Variants in HERC4 observed in about 807,000 individuals in gnomAD.
The protein encoded by HERC4 is HECT and RLD domain containing E3 ubiquitin protein ligase 4.
A neutral mutation model predicts 124.3 loss-of-function variants in HERC4; 28 were observed. That is an observed-to-expected ratio of 0.23 (90% CI 0.17 to 0.31). The LOEUF is 0.31. HERC4 is among the 10% of genes least tolerant of loss of function. HERC4 has a pLI of 1.00. For missense variants in HERC4, 713 were observed against 1,229.3 expected, an observed-to-expected ratio of 0.58 and a Z score of 6.28; for synonymous variants, 407 against 421.5, an observed-to-expected ratio of 0.97 and a Z score of 0.42.
chr10:68,001,316 G>A (rs889444817), intron 9 of HERC4, among the ~76,000 whole-genome samples: 19 of 151,586 alleles, frequency 1.3e-4, no homozygotes, highest in African/African-American at 4.6e-4. Flanking sequence ...AGGTTGCAGT[G>A]AGCTGTGATC....
At chr10:68,059,530 T>G (rs1200605269) in intron 3 of HERC4, among the ~76,000 whole-genome samples, 2 of 110,840 alleles carry the variant, frequency 1.8e-5, no homozygotes, top group East Asian at 2.6e-4. Context: ...ATAATAATAT[T>G]ATATATCATA....
intron 4 of HERC4, chr10:68,039,515 A>G (rs1314853747): frequency 3.2e-6 from 5 of 1,549,894 alleles, no homozygotes; most frequent in Non-Finnish European, 4.4e-6. Context: ...TTTGAGCAGG[A>G]AAAAGGAGAG....
At chr10:67,982,972 C>CA (rs2132658447) in intron 15 of HERC4, among the ~76,000 whole-genome samples, 1 of 148,434 alleles carries the variant, frequency 6.7e-6, no homozygotes, top group South Asian at 2.1e-4. Context: ...TAATAAAATA[C>CA]AAAAAATTAG....
Position 68,053,775 on chromosome 10 carries a change from T to G in HERC4, c.227-9212A>C, listed in dbSNP as rs553339430. On this transcript the variant is annotated intron_variant, in intron 3 of 24. Transcript: ENST00000373700. The stretch of plus-strand genomic sequence containing the variant: ...CTGACTCAAGTATTTGGCAGTTCTG[T>G]GAATGCCCATGTCCAGGAATGACCA... Among the ~76,000 whole-genome samples, 7 of 152,298 alleles carry G rather than the reference T, an allele frequency of 4.6e-5. No homozygotes were observed. The East Asian group carries it at 5.8e-4, about 13-fold the overall frequency.
chr10:68,001,071 T>G (rs933211664), intron 9 of HERC4, among the ~76,000 whole-genome samples: 1 of 152,182 alleles, frequency 6.6e-6, no homozygotes, highest in African/African-American at 2.4e-5. Flanking sequence ...TTCTGGCTGT[T>G]AAGAATGTCC....
At chr10:67,932,193 G>A (rs1234289247) in intron 23 of HERC4, among the ~76,000 whole-genome samples, 2 of 152,268 alleles carry the variant, frequency 1.3e-5, no homozygotes, top group Non-Finnish European at 2.9e-5. Context: ...CTGACCTCAC[G>A]TGATCCATCC....
At chr10:68,029,050 C>T (rs2039052729) in intron 7 of HERC4, among the ~76,000 whole-genome samples, 1 of 151,798 alleles carries the variant, frequency 6.6e-6, no homozygotes. Context: ...CAGTGGCGCC[C>T]GTAGCTCCAG....
chr10:68,005,775 C>T (rs1404610074), intron 9 of HERC4, among the ~76,000 whole-genome samples: 1 of 152,060 alleles, frequency 6.6e-6, no homozygotes, highest in Non-Finnish European at 1.5e-5. Context: ...ACAATCATGG[C>T]TCACTGCAGC....
At chr10:68,060,448 C>T (rs1393323149) in intron 3 of HERC4, among the ~76,000 whole-genome samples, 1 of 152,086 alleles carries the variant, frequency 6.6e-6, no homozygotes, top group East Asian at 1.9e-4. Context: ...ACCATGTTGG[C>T]CAGGCTAGTT....
intron 16 of HERC4, chr10:67,960,796 T>C (rs533230772): frequency 7.7e-5 from 19 of 246,950 alleles, no homozygotes; most frequent in Non-Finnish European, 1.4e-4. Context: ...ACCTTCACCA[T>C]GAAGCTCCCT....
At chr10:67,938,651 T>G (rs2032595137) in intron 21 of HERC4, among the ~76,000 whole-genome samples, 1 of 151,298 alleles carries the variant, frequency 6.6e-6, no homozygotes. Flanking sequence ...ATCAGTTATT[T>G]AACATCCCTT....
intron 9 of HERC4, among the ~76,000 whole-genome samples, chr10:68,004,350 G>C (rs929053638): frequency 2.6e-5 from 4 of 152,122 alleles, no homozygotes; most frequent in Admixed American, 2.0e-4. Context: ...TCTGTGAGTT[G>C]TTTCTTCACT....
chr10:68,059,939 AT>A (rs2040916550), intron 3 of HERC4, among the ~76,000 whole-genome samples: 1 of 126,188 alleles, frequency 7.9e-6, no homozygotes, highest in Non-Finnish European at 1.6e-5. Context: ...ATATATTATA[AT>A]AATATTATAT....
intron 7 of HERC4, among the ~76,000 whole-genome samples, chr10:68,026,986 G>A (rs2038936523): frequency 6.6e-6 from 1 of 152,102 alleles, no homozygotes. Context: ...GCAACAAAGC[G>A]AGACTCTGTC....
chr10:67,927,403 TATATATATATATATATATATATATA>T lies in HERC4; in HGVS notation c.2839-2241_2839-2217del, dbSNP rs1226507349. Among the ~76,000 whole-genome samples the T allele has an allele frequency of 5.2e-3, 108 of 20,696 alleles. 1 individual carries two copies. Among genetic ancestry groups the T allele is most frequent in the South Asian group, 9.8e-3 (5 of 508 alleles). The allele number at this position is 20,696 out of a possible 152,430, so 13.6% of individuals were successfully genotyped here. ...CCATATATATATATATATATATATATATATATATATATATATATATATATATATTTTTTTTTTTTTTTAGATAGAG... is the reference window on the plus strand; with the variant it reads ...CCATATATATATATATATATATATATTATTTTTTTTTTTTTTTAGATAGAG... On this transcript the variant is annotated intron_variant, in intron 23 of 24. Transcript: ENST00000373700.
At chr10:68,036,272 C>G (rs893215628) in intron 5 of HERC4, among the ~76,000 whole-genome samples, 1 of 148,930 alleles carries the variant, frequency 6.7e-6, no homozygotes, top group African/African-American at 2.5e-5. Context: ...GAGCCGAGAT[C>G]ATGCCACTGC....
intron 4 of HERC4, among the ~76,000 whole-genome samples, chr10:68,043,020 C>A (rs2039846116): frequency 1.3e-5 from 2 of 152,172 alleles, no homozygotes; most frequent in South Asian, 4.1e-4. Context: ...CAAGTAAATT[C>A]TCTTTCAGGT....
intron 7 of HERC4, among the ~76,000 whole-genome samples, chr10:68,027,731 T>C (rs895486481): frequency 6.6e-6 from 1 of 152,074 alleles, no homozygotes. Flanking sequence ...AAGGCCATCC[T>C]GGCCAACATG....
intron 3 of HERC4, among the ~76,000 whole-genome samples, chr10:68,051,101 C>CAAAAAAAA (rs755520085): frequency 5.2e-5 from 5 of 95,482 alleles, no homozygotes; most frequent in African/African-American, 7.9e-5. Flanking sequence ...ACCCAAAGAC[C>CAAAAAAAA]AAAAAAAAAA....
Sources: allele counts gnomAD v4.1 joint callset (sites outside exome capture counted in the v4.1 genomes callset), GRCh38; gene constraint gnomAD v4.1.1; transcripts MANE v1.5; gene names NCBI Gene and HGNC (gene_info 2026-07-23, HGNC 2026-07-21).